The following WWOX variants were observed in gnomAD, a reference collection of about 807,000 sequenced individuals.
WWOX encodes the protein WW domain containing oxidoreductase, also known as WW domain-containing oxidoreductase.
In WWOX, 69 loss-of-function variants were observed where a neutral mutation model predicts 46.2. That is an observed-to-expected ratio of 1.49 (90% CI 1.23 to 1.82). WWOX has a LOEUF of 1.82. Ranked by LOEUF, WWOX falls within the 40% of genes most tolerant of loss-of-function variation. The pLI is 0.00. For missense variants in WWOX, 919 were observed against 542.6 expected, an observed-to-expected ratio of 1.69 and a Z score of -6.89; for synonymous variants, 359 against 202.6, an observed-to-expected ratio of 1.77 and a Z score of -6.56.
At chr16:78,700,790 C>T (rs117216165) in intron 8 of WWOX, among the ~76,000 whole-genome samples, 328 of 152,252 alleles carry the variant, frequency 2.2e-3, no homozygotes, top group Admixed American at 4.3e-3. Flanking sequence ...TGGCACTGAG[C>T]GGGTGCTTAG....
At chr16:78,440,331 G>A (rs2083416578) in intron 8 of WWOX, among the ~76,000 whole-genome samples, 1 of 152,036 alleles carries the variant, frequency 6.6e-6, no homozygotes, top group East Asian at 1.9e-4. Flanking sequence ...TCTTTCCTTA[G>A]GGTTTTGAAA....
intron 5 of WWOX, among the ~76,000 whole-genome samples, chr16:78,174,775 C>G (rs1410925284): frequency 6.6e-6 from 1 of 152,072 alleles, no homozygotes; most frequent in Non-Finnish European, 1.5e-5. Context: ...ATTGCCTGAG[C>G]TCAAAAGCTG....
At chr16:79,045,255 A>G (rs2048043106) in intron 8 of WWOX, among the ~76,000 whole-genome samples, 1 of 152,248 alleles carries the variant, frequency 6.6e-6, no homozygotes, top group East Asian at 1.9e-4. Context: ...CTAAGGGTAC[A>G]GAATTAAATA....
chr16:78,851,076 C>T (rs1002322853), intron 8 of WWOX, among the ~76,000 whole-genome samples: 3 of 152,078 alleles, frequency 2.0e-5, no homozygotes, highest in Non-Finnish European at 2.9e-5. Flanking sequence ...ACAGTGAGGC[C>T]AGGTGACTTA....
At chr16:78,853,978 C>T (rs1256474209) in intron 8 of WWOX, among the ~76,000 whole-genome samples, 2 of 151,956 alleles carry the variant, frequency 1.3e-5, no homozygotes, top group African/African-American at 2.4e-5. Context: ...CCAGAATGTT[C>T]GATTAAAAAA....
chr16:78,119,514 T>C (rs1310884600), intron 4 of WWOX, among the ~76,000 whole-genome samples: 6 of 152,224 alleles, frequency 3.9e-5, no homozygotes, highest in Non-Finnish European at 8.8e-5. Context: ...CTGTTCATTG[T>C]CTTAATTAGC....
chr16:78,871,091 A>C (rs575736236), intron 8 of WWOX, among the ~76,000 whole-genome samples: 5 of 152,204 alleles, frequency 3.3e-5, no homozygotes, highest in Non-Finnish European at 7.3e-5. Context: ...GAAGCAATTC[A>C]GTAAATACTT....
chr16:78,140,131 A>G (rs1484535116), intron 4 of WWOX, among the ~76,000 whole-genome samples: 3 of 152,152 alleles, frequency 2.0e-5, no homozygotes. Context: ...CATTTGTGTC[A>G]AGTTGGTTGA....
At chr16:79,193,638 C>G (rs912371448) in intron 8 of WWOX, among the ~76,000 whole-genome samples, 1 of 152,172 alleles carries the variant, frequency 6.6e-6, no homozygotes, top group African/African-American at 2.4e-5. Flanking sequence ...CAAATTGACC[C>G]TCGCACATCT....
intron 8 of WWOX, among the ~76,000 whole-genome samples, chr16:78,883,879 T>C (rs1322170912): frequency 3.3e-5 from 5 of 152,084 alleles, no homozygotes; most frequent in Non-Finnish European, 7.4e-5. Context: ...AAAAGATAAT[T>C]TAAAGGGAAA....
At chr16:78,326,077 G>C (rs1037419743) in intron 5 of WWOX, among the ~76,000 whole-genome samples, 6 of 152,102 alleles carry the variant, frequency 3.9e-5, no homozygotes, top group African/African-American at 1.4e-4. Flanking sequence ...GTGAATCTCT[G>C]TCTGCCTCTA....
chr16:78,435,489 T>G (rs1307572457), intron 8 of WWOX, among the ~76,000 whole-genome samples: 1 of 152,142 alleles, frequency 6.6e-6, no homozygotes, highest in African/African-American at 2.4e-5. Context: ...GCACTGAGCT[T>G]TAGATCCCTG....
At chr16:78,449,298 C>T (rs1473225137) in intron 8 of WWOX, among the ~76,000 whole-genome samples, 1 of 152,140 alleles carries the variant, frequency 6.6e-6, no homozygotes, top group Non-Finnish European at 1.5e-5. Context: ...GTAATGTAAC[C>T]ACGGAAGTGA....
At chr16:78,388,630 A>T (rs1372634809) in intron 6 of WWOX, among the ~76,000 whole-genome samples, 2 of 107,904 alleles carry the variant, frequency 1.9e-5, no homozygotes, top group Non-Finnish European at 3.4e-5. Context: ...CTGGCGACAG[A>T]TTGAGACTCC....
rs567235110 is a variant in WWOX at position 79,008,600 on chromosome 16, G to T, written c.1057-203008G>T. Among the ~76,000 whole-genome samples the T allele has an allele frequency of 1.8e-3, 267 of 152,274 alleles. 1 individual carries two copies. Among genetic ancestry groups the T allele is most frequent in the African/African-American group, 6.1e-3 (253 of 41,554 alleles). On this transcript the variant is annotated intron_variant, in intron 8 of 8. Coordinates refer to ENST00000566780, the MANE Select transcript of WWOX (RefSeq NM_016373.4). ...TCACAGATGTTGAAACTGAGACTTA[G>T]AAGCATTATGCACCATGCCAAAGGC...
At chr16:78,463,009 A>G (rs921063965) in intron 8 of WWOX, among the ~76,000 whole-genome samples, 4 of 152,186 alleles carry the variant, frequency 2.6e-5, no homozygotes, top group African/African-American at 9.7e-5. Flanking sequence ...AGGCGCAGTG[A>G]CATTTATGCA....
chr16:78,272,887 C>T (rs933806279), intron 5 of WWOX, among the ~76,000 whole-genome samples: 14 of 152,124 alleles, frequency 9.2e-5, no homozygotes, highest in African/African-American at 3.4e-4. Flanking sequence ...CTTTCACCCC[C>T]ACAAGACAAC....
At chr16:78,603,608 C>T (rs1198037474) in intron 8 of WWOX, among the ~76,000 whole-genome samples, 2 of 152,070 alleles carry the variant, frequency 1.3e-5, no homozygotes, top group Admixed American at 6.5e-5. Flanking sequence ...GCAGGAGAAT[C>T]GCTTGAACCC....
intron 5 of WWOX, among the ~76,000 whole-genome samples, chr16:78,360,615 A>G (rs1226399129): frequency 9.9e-6 from 1 of 101,166 alleles, no homozygotes; most frequent in Non-Finnish European, 2.5e-5. Context: ...AGAAATAGCA[A>G]TATTTCACAG....
Sources: allele counts gnomAD v4.1 joint callset (sites outside exome capture counted in the v4.1 genomes callset), GRCh38; gene constraint gnomAD v4.1.1; transcripts MANE v1.5; gene names NCBI Gene and HGNC (gene_info 2026-07-23, HGNC 2026-07-21).